The following WWOX variants were observed in gnomAD, a reference collection of about 807,000 sequenced individuals.
WWOX encodes WW domain containing oxidoreductase.
In WWOX, 69 loss-of-function variants were observed where a neutral mutation model predicts 46.2. The observed-to-expected ratio is 1.49, with a 90% CI of 1.23 to 1.82. The LOEUF is 1.82. Among genes scored for constraint, WWOX ranks in the 40% most tolerant of loss-of-function variants. WWOX has a pLI of 0.00. For synonymous variants in WWOX, 359 were observed against 202.6 expected (o/e 1.77, Z -6.56); for missense variants, 919 against 542.6 (o/e 1.69, Z -6.89).
At chr16:78,941,964 T>C (rs1277827210) in intron 8 of WWOX, among the ~76,000 whole-genome samples, 1 of 152,156 alleles carries the variant, frequency 6.6e-6, no homozygotes, top group East Asian at 1.9e-4. Flanking sequence ...CGTAGGAAAA[T>C]GTAGATGAAT....
intron 4 of WWOX, among the ~76,000 whole-genome samples, chr16:78,126,685 G>A (rs1450464508): frequency 6.6e-6 from 1 of 152,140 alleles, no homozygotes; most frequent in Non-Finnish European, 1.5e-5. Context: ...TAACTCCTCA[G>A]TTTGCTTCAC....
intron 5 of WWOX, among the ~76,000 whole-genome samples, chr16:78,238,838 C>T (rs953717202): frequency 2.0e-5 from 3 of 151,888 alleles, no homozygotes; most frequent in African/African-American, 2.4e-5. Flanking sequence ...AGGCTGGTCT[C>T]GAACTCCGGA....
intron 8 of WWOX, among the ~76,000 whole-genome samples, chr16:78,588,807 A>G (rs2045282749): frequency 6.6e-6 from 1 of 152,176 alleles, no homozygotes; most frequent in African/African-American, 2.4e-5. Context: ...AGCTGAACCC[A>G]GAGTGGTCTC....
chr16:78,814,111 G>C (rs181348256), intron 8 of WWOX, among the ~76,000 whole-genome samples: 1 of 152,326 alleles, frequency 6.6e-6, no homozygotes, highest in African/African-American at 2.4e-5. Context: ...GCAGGACAGT[G>C]TGTCATTGCA....
intron 5 of WWOX, among the ~76,000 whole-genome samples, chr16:78,175,394 C>T (rs1009550334): frequency 1.3e-5 from 2 of 152,202 alleles, no homozygotes; most frequent in Non-Finnish European, 2.9e-5. Context: ...GGCCAGTTCT[C>T]CTCTCTTGGA....
intron 8 of WWOX, among the ~76,000 whole-genome samples, chr16:78,764,930 G>A (rs1043217043): frequency 2.0e-5 from 3 of 152,108 alleles, no homozygotes; most frequent in East Asian, 1.9e-4. Context: ...TCTGCATTGT[G>A]CCTTTAGGGC....
At chr16:79,113,285 C>G (rs56991354) in intron 8 of WWOX, among the ~76,000 whole-genome samples, 1 of 152,098 alleles carries the variant, frequency 6.6e-6, no homozygotes, top group South Asian at 2.1e-4. Flanking sequence ...CTGTGGATGA[C>G]GGGTGAAGAA....
intron 8 of WWOX, among the ~76,000 whole-genome samples, chr16:78,650,178 A>G (rs929041589): frequency 6.6e-6 from 1 of 152,208 alleles, no homozygotes; most frequent in Non-Finnish European, 1.5e-5. Flanking sequence ...GTGTTTGGCT[A>G]ACTTGCATAA....
chr16:78,436,508 A>G (rs1229989013), intron 8 of WWOX, among the ~76,000 whole-genome samples: 1 of 152,248 alleles, frequency 6.6e-6, no homozygotes, highest in Non-Finnish European at 1.5e-5. Flanking sequence ...GAGTCTTACT[A>G]AAATCCTCTC....
intron 6 of WWOX, among the ~76,000 whole-genome samples, chr16:78,424,177 G>C (rs1484640949): frequency 6.9e-6 from 1 of 144,914 alleles, no homozygotes; most frequent in Non-Finnish European, 1.5e-5. Context: ...GAGTGCAGTG[G>C]CATGATCTTA....
chr16:78,954,110 C>G (rs541139998), intron 8 of WWOX, among the ~76,000 whole-genome samples: 1 of 152,084 alleles, frequency 6.6e-6, no homozygotes, highest in Non-Finnish European at 1.5e-5. Flanking sequence ...TTTGCTTTTT[C>G]TTTTTTAAAT....
chr16:79,043,868 C>T (rs1191945704), intron 8 of WWOX, among the ~76,000 whole-genome samples: 1 of 152,190 alleles, frequency 6.6e-6, no homozygotes, highest in Non-Finnish European at 1.5e-5. Context: ...AGTGGAGTAC[C>T]TCTGGCCTCC....
chr16:78,753,825 A>AAAAT (rs2049556906), intron 8 of WWOX, among the ~76,000 whole-genome samples: 1 of 21,360 alleles, frequency 4.7e-5, no homozygotes, highest in Non-Finnish European at 1.2e-4. Flanking sequence ...AAAAAAAAAA[A>AAAAT]ATATATATAT....
rs373943079 is a variant in WWOX at position 78,422,048 on chromosome 16, T to C, written c.606-2822T>C. On this transcript the variant is annotated intron_variant, in intron 6 of 8. Coordinates refer to ENST00000566780, the MANE Select transcript of WWOX (RefSeq NM_016373.4). ...TAGAAAATATTTTAATATTTACTAC[T>C]AGTGTAGTTGGACGTGTTAAATATT... Among the ~76,000 whole-genome samples the C allele has an allele frequency of 1.5e-4, 23 of 152,356 alleles. No individual in the cohort carries two copies. In the East Asian group the frequency reaches 3.9e-3, roughly 26 times the overall value.
chr16:78,607,641 C>G (rs951834805), intron 8 of WWOX, among the ~76,000 whole-genome samples: 5 of 110,250 alleles, frequency 4.5e-5, no homozygotes, highest in African/African-American at 1.5e-4. Context: ...CTCATTTGTT[C>G]TTCTTTTTTT....
intron 6 of WWOX, among the ~76,000 whole-genome samples, chr16:78,388,927 C>G (rs2082118204): frequency 6.6e-6 from 1 of 151,292 alleles, no homozygotes; most frequent in Non-Finnish European, 1.5e-5. Flanking sequence ...TGAGACTGAA[C>G]CAGTGCACTC....
At chr16:78,501,858 C>T (rs1325890077) in intron 8 of WWOX, among the ~76,000 whole-genome samples, 3 of 152,140 alleles carry the variant, frequency 2.0e-5, no homozygotes, top group African/African-American at 7.2e-5. Context: ...TGAAATCAGG[C>T]TCCATGGTGG....
intron 8 of WWOX, among the ~76,000 whole-genome samples, chr16:78,739,825 CAAACA>C (rs368298459): frequency 5.1e-4 from 78 of 152,190 alleles, no homozygotes; most frequent in African/African-American, 1.6e-3. Context: ...AACAAACAAA[CAAACA>C]AACAAAAACC....
chr16:79,022,648 A>G (rs148984946), intron 8 of WWOX, among the ~76,000 whole-genome samples: 1,742 of 152,268 alleles, frequency 0.011, 12 homozygotes, highest in Non-Finnish European at 0.018. Flanking sequence ...TGTGGCATTC[A>G]TGTAATTGGG....
Sources: allele counts gnomAD v4.1 joint callset (sites outside exome capture counted in the v4.1 genomes callset), GRCh38; gene constraint gnomAD v4.1.1; transcripts MANE v1.5; gene names NCBI Gene and HGNC (gene_info 2026-07-23, HGNC 2026-07-21).